Variants in SAXO1 observed in about 807,000 individuals in gnomAD.
The protein encoded by SAXO1 is 4930500O09Rik.
SAXO1 carries 21 observed loss-of-function variants against 17.5 expected under a neutral mutation model. That is an observed-to-expected ratio of 1.20 (90% CI 0.85 to 1.72). SAXO1 has a LOEUF of 1.72. SAXO1 is among the 40% of genes most tolerant of loss of function. The pLI is 0.00. For synonymous variants in SAXO1, 274 were observed against 216.5 expected, an observed-to-expected ratio of 1.27 and a Z score of -2.33; for missense variants, 843 against 596.0, an observed-to-expected ratio of 1.41 and a Z score of -4.32.
chr9:18,956,094 C>T (rs1459702517), intron 1 of SAXO1, among the ~76,000 whole-genome samples: 1 of 149,270 alleles, frequency 6.7e-6, no homozygotes, highest in Non-Finnish European at 1.5e-5. Flanking sequence ...GCATGCACCA[C>T]TGCACAACCT....
intron 2 of SAXO1, 98 bp downstream of exon 2, chr9:18,950,660 A>G (rs776943279): frequency 1.2e-5 from 13 of 1,062,260 alleles, no homozygotes; most frequent in East Asian, 2.4e-5. Context: ...ACATTAATGC[A>G]TTAGCACTGC....
chr9:18,932,175 T>C (rs1588396083), intron 3 of SAXO1, among the ~76,000 whole-genome samples: 1 of 152,274 alleles, frequency 6.6e-6, no homozygotes, highest in Non-Finnish European at 1.5e-5. Flanking sequence ...GAAACATTTA[T>C]AGTTTTAGCT....
intron 1 of SAXO1, among the ~76,000 whole-genome samples, chr9:18,971,292 C>T (rs1832933228): frequency 6.6e-6 from 1 of 152,152 alleles, no homozygotes; most frequent in Non-Finnish European, 1.5e-5. Context: ...CCATGCCCCA[C>T]TGCTGCTTGC....
intron 1 of SAXO1, among the ~76,000 whole-genome samples, chr9:19,009,231 C>A (rs1247379126): frequency 8.5e-6 from 1 of 118,008 alleles, no homozygotes; most frequent in African/African-American, 2.9e-5. Context: ...CATTGTTTTT[C>A]AAATCTGCCA....
upstream of SAXO1, among the ~76,000 whole-genome samples, chr9:19,037,886 G>A (rs1835981156): frequency 6.6e-6 from 1 of 152,150 alleles, no homozygotes; most frequent in Non-Finnish European, 1.5e-5. Context: ...GAACACTGAA[G>A]CCAGGAGGTA....
chr9:18,938,050 T>G (rs959971015), intron 3 of SAXO1, among the ~76,000 whole-genome samples: 1 of 152,164 alleles, frequency 6.6e-6, no homozygotes, highest in Non-Finnish European at 1.5e-5. Context: ...CAAATGCACA[T>G]GTTCCAAGAA....
intron 1 of SAXO1, among the ~76,000 whole-genome samples, chr9:19,042,787 G>C (rs2131072812): frequency 6.6e-6 from 1 of 152,170 alleles, no homozygotes; most frequent in South Asian, 2.1e-4. Flanking sequence ...GCTTGAACCG[G>C]GGAGGCGGAG....
intron 1 of SAXO1, among the ~76,000 whole-genome samples, chr9:18,998,605 G>T (rs984361463): frequency 2.0e-5 from 3 of 152,078 alleles, no homozygotes; most frequent in African/African-American, 7.2e-5. Flanking sequence ...AATTCAGGAA[G>T]TACACAGAAC....
At chr9:19,030,607 G>A (rs1835718380) in intron 1 of SAXO1, among the ~76,000 whole-genome samples, 3 of 152,080 alleles carry the variant, frequency 2.0e-5, no homozygotes, top group Admixed American at 6.5e-5. Flanking sequence ...TTGGGAGGCT[G>A]GGGCAGGAGA....
intron 1 of SAXO1, among the ~76,000 whole-genome samples, chr9:18,976,277 G>A (rs57323690): frequency 0.016 from 2,488 of 152,186 alleles, 66 homozygotes; most frequent in African/African-American, 0.054. Flanking sequence ...AAACTTGAGG[G>A]CTGAAAAAGG....
intron 1 of SAXO1, among the ~76,000 whole-genome samples, chr9:19,021,751 T>G (rs1398881469): frequency 2.0e-5 from 3 of 152,204 alleles, no homozygotes; most frequent in African/African-American, 7.2e-5. Flanking sequence ...GGATTGCAAA[T>G]GCACCAATCA....
At chr9:18,936,167 C>T (rs1364461733) in intron 3 of SAXO1, among the ~76,000 whole-genome samples, 1 of 152,286 alleles carries the variant, frequency 6.6e-6, no homozygotes, top group East Asian at 1.9e-4. Flanking sequence ...ATACCACCCC[C>T]TCATCCACCA....
intron 1 of SAXO1, among the ~76,000 whole-genome samples, chr9:18,959,765 C>T (rs1326536704): frequency 6.9e-6 from 1 of 145,224 alleles, no homozygotes. Context: ...GAGTGAAACT[C>T]TGTCTAAGAA....
intron 3 of SAXO1, among the ~76,000 whole-genome samples, chr9:18,933,641 A>G (rs1477116388): frequency 6.6e-6 from 1 of 152,200 alleles, no homozygotes; most frequent in African/African-American, 2.4e-5. Context: ...GAATCATAAT[A>G]TCACTAGATA....
At chr9:19,029,454 T>C (rs935928956) in intron 1 of SAXO1, among the ~76,000 whole-genome samples, 2 of 152,156 alleles carry the variant, frequency 1.3e-5, no homozygotes, top group African/African-American at 4.8e-5. Flanking sequence ...TCTTCCAGAT[T>C]TCCCATTGCT....
At chr9:18,998,550 T>C (rs1246275800) in intron 1 of SAXO1, among the ~76,000 whole-genome samples, 1 of 152,160 alleles carries the variant, frequency 6.6e-6, no homozygotes, top group Non-Finnish European at 1.5e-5. Flanking sequence ...TTCGGGATAT[T>C]ATCCAGAAGA....
chr9:18,959,847 G>A (rs1453379448), intron 1 of SAXO1, among the ~76,000 whole-genome samples: 8 of 152,122 alleles, frequency 5.3e-5, no homozygotes, highest in Admixed American at 5.2e-4. Flanking sequence ...TTAAAGAGCT[G>A]CAGGCTTGAT....
chr9:18,970,399 C>A (rs1275136547), intron 1 of SAXO1, among the ~76,000 whole-genome samples: 1 of 152,126 alleles, frequency 6.6e-6, no homozygotes, highest in Non-Finnish European at 1.5e-5. Context: ...TGGGGATGCT[C>A]AGGTATTGGC....
intron 1 of SAXO1, among the ~76,000 whole-genome samples, chr9:19,048,454 C>T (rs1270098420): frequency 6.7e-6 from 1 of 148,464 alleles, no homozygotes; most frequent in East Asian, 2.0e-4. Flanking sequence ...GAGACTCCGT[C>T]TCAAAAGAAA....
Sources: allele counts gnomAD v4.1 joint callset (sites outside exome capture counted in the v4.1 genomes callset), GRCh38; gene constraint gnomAD v4.1.1; transcripts MANE v1.5; gene names NCBI Gene and HGNC (gene_info 2026-07-23, HGNC 2026-07-21).